The following FNIP1 variants were observed in gnomAD, a reference collection of about 807,000 sequenced individuals.
FNIP1 encodes the protein folliculin interacting protein 1.
In FNIP1, 40 loss-of-function variants were observed where a neutral mutation model predicts 124.5. The ratio of observed to expected loss-of-function variants is 0.32; its 90% CI spans 0.25 to 0.42. The LOEUF is 0.42. Among genes scored for constraint, FNIP1 ranks in the 10% least tolerant of loss-of-function variants. The pLI is 1.00. For synonymous variants in FNIP1, 472 were observed against 470.6 expected, an observed-to-expected ratio of 1.00 and a Z score of -0.04; for missense variants, 1,176 against 1,403.7, an observed-to-expected ratio of 0.84 and a Z score of 2.59.
intron 11 of FNIP1, among the ~76,000 whole-genome samples, chr5:131,687,402 G>A (rs1768318594): frequency 6.6e-6 from 1 of 152,026 alleles, no homozygotes; most frequent in Non-Finnish European, 1.5e-5. Context: ...TACTATACCT[G>A]GCCCAATTTC....
intron 1 of FNIP1, among the ~76,000 whole-genome samples, chr5:131,779,679 TTC>T (rs1771932099): frequency 6.8e-6 from 1 of 146,110 alleles, no homozygotes; most frequent in Admixed American, 6.8e-5. Context: ...CAGAGTGAGA[TTC>T]TGTTTCAAAA....
chr5:131,771,205 G>T (rs986202750), intron 1 of FNIP1, among the ~76,000 whole-genome samples: 3 of 152,114 alleles, frequency 2.0e-5, no homozygotes, highest in Non-Finnish European at 4.4e-5. Flanking sequence ...AAGAAAATTG[G>T]AGAAAGGGAA....
chr5:131,671,895 T>C lies in FNIP1; in HGVS notation c.2549A>G (p.Asp850Gly). 1 of 1,614,194 alleles carries C rather than the reference T, an allele frequency of 6.2e-7. No homozygotes were observed. Among genetic ancestry groups the C allele is most frequent in the East Asian group, 2.2e-5 (1 of 44,880 alleles). ...TGTACTTGTTTTAAATGGAACATCA[T>C]CAATAGTCCTGGTTTCGATTGAATC... The part of the protein sequence containing the change: ...NDDSIETRTI[D>G]DVPFKTSTDS... Residue 850 changes from aspartate to glycine, a missense_variant, in exon 14 of 18, where the codon GAT becomes GGT. By Grantham distance (94) the Asp-to-Gly change is moderately conservative (BLOSUM62 -1). Around this residue, in one of 2 missense-constraint regions of FNIP1, gnomAD observed 1,109 missense variants for 1,288.5 expected, o/e 0.86. Coordinates refer to ENST00000510461, the MANE Select transcript of FNIP1 (RefSeq NM_133372.3).
rs191081547 is a variant in FNIP1, at chr5:131,644,953, G to A, written c.3423-190C>T. Among the ~76,000 whole-genome samples the A allele has an allele frequency of 1.6e-4, 25 of 152,292 alleles. 1 individual carries two copies. Among genetic ancestry groups the A allele is most frequent in the Middle Eastern group, 6.8e-3 (2 of 294 alleles). The stretch of plus-strand genomic sequence containing the variant: ...AGATACGAGTAACAACATCATAAAC[G>A]TAGAAAAGTGTCTCAATGACATGCT... On this transcript the variant is annotated intron_variant, in intron 17 of 17. Transcript: ENST00000510461.
At chr5:131,785,879 A>C (rs181227179) in intron 1 of FNIP1, among the ~76,000 whole-genome samples, 21 of 152,260 alleles carry the variant, frequency 1.4e-4, no homozygotes, top group Admixed American at 1.3e-3. Flanking sequence ...TTATTCACAA[A>C]TAATGTCTAT....
chr5:131,672,658 G>A lies in FNIP1; in HGVS notation c.1786C>T (p.Leu596Phe), dbSNP rs944893651. 1.2e-6 allele frequency: 2 copies of A among 1,614,050 alleles called. No individual in the cohort carries two copies. The highest frequency in any genetic ancestry group is 1.7e-6 in the Non-Finnish European group (2 of 1,180,026). The stretch of plus-strand genomic sequence containing the variant: ...CTAATTTCTTCTGACTCTTTAAAGA[G>A]CAAACTGCTTTTGTTTCTATGCATT... The part of the protein sequence containing the change: ...VTMHRNKSSL[L>F]FKESEEIRTP... Residue 596 changes from leucine to phenylalanine, a missense_variant, in exon 14 of 18, where the codon CTC (leucine) becomes TTC (phenylalanine). Leu to Phe is a conservative substitution (Grantham distance 22). Transcript: ENST00000510461.
rs1318903154 is a variant in FNIP1, at chr5:131,672,242, T to G, written c.2202A>C (p.Pro734=). The G allele has an allele frequency of 1.2e-6, 2 of 1,614,142 alleles. No individual in the cohort carries two copies. The highest frequency in any genetic ancestry group is 1.3e-5 in the African/African-American group (1 of 75,038). The change falls in exon 14 of 18, where the codon CCA becomes CCC. Residue 734 remains proline (P), a synonymous_variant. Coordinates refer to ENST00000510461, the MANE Select transcript of FNIP1 (RefSeq NM_133372.3). The part of the protein sequence containing the change: ...STGMVVEKKP[P]DKIVPASFSC... ...AAAATGAAGCAGGCACAATCTTATCTGGAGGTTTTTTTTCCACAACCATTC... is the reference window on the plus strand; with the variant it reads ...AAAATGAAGCAGGCACAATCTTATCGGGAGGTTTTTTTTCCACAACCATTC...
intron 15 of FNIP1, among the ~76,000 whole-genome samples, chr5:131,662,092 C>T (rs1051069959): frequency 6.6e-6 from 1 of 152,172 alleles, no homozygotes; most frequent in African/African-American, 2.4e-5. Context: ...ATGTCAGGCA[C>T]CCAATCCGAA....
intron 2 of FNIP1, among the ~76,000 whole-genome samples, chr5:131,735,010 G>A (rs1354008477): frequency 4.6e-5 from 7 of 152,244 alleles, no homozygotes; most frequent in South Asian, 2.1e-4. Context: ...ACATGCACAC[G>A]TATGTTTATT....
At chr5:131,758,993 A>G (rs982037790) in intron 1 of FNIP1, among the ~76,000 whole-genome samples, 19 of 152,122 alleles carry the variant, frequency 1.2e-4, no homozygotes, top group African/African-American at 4.3e-4. Context: ...TGGAGGGGGA[A>G]TGGTGCTTAA....
At chr5:131,658,820 C>T (rs556492530) in intron 15 of FNIP1, among the ~76,000 whole-genome samples, 6 of 143,132 alleles carry the variant, frequency 4.2e-5, no homozygotes, top group Non-Finnish European at 6.0e-5. Context: ...TCAAAGTCCT[C>T]GGCCACATTG....
intron 1 of FNIP1, among the ~76,000 whole-genome samples, chr5:131,784,008 C>CAAAA (rs34867527): frequency 7.1e-6 from 1 of 140,082 alleles, no homozygotes. Context: ...CTGCCCCCAA[C>CAAAA]AAAAAAAAAA....
At chr5:131,688,934 C>T (rs1464597864) in intron 11 of FNIP1, among the ~76,000 whole-genome samples, 1 of 151,378 alleles carries the variant, frequency 6.6e-6, no homozygotes, top group African/African-American at 2.4e-5. Flanking sequence ...TGAATAATAG[C>T]TTCGAATTAA....
At chr5:131,723,781 A>G (rs1343409200) in intron 3 of FNIP1, among the ~76,000 whole-genome samples, 1 of 152,288 alleles carries the variant, frequency 6.6e-6, no homozygotes, top group African/African-American at 2.4e-5. Flanking sequence ...ACATAGGTAT[A>G]AAAGTGCCAT....
chr5:131,761,002 T>C (rs1771213029), intron 1 of FNIP1, among the ~76,000 whole-genome samples: 1 of 152,164 alleles, frequency 6.6e-6, no homozygotes, highest in Non-Finnish European at 1.5e-5. Context: ...TGCCAATAAC[T>C]GGCCACCATC....
intron 17 of FNIP1, among the ~76,000 whole-genome samples, chr5:131,645,307 C>T (rs1261148455): frequency 1.3e-4 from 11 of 86,146 alleles, no homozygotes; most frequent in Middle Eastern, 5.7e-3. Flanking sequence ...AAGACCCTGT[C>T]TCAAAAAAAA....
chr5:131,699,001 G>C lies in FNIP1; in HGVS notation c.1118C>G (p.Ala373Gly). ...AGCTGATCTCCGGCTCATTTTCATA[G>C]CCTTGAAAACAATCATTGAGATAGT... ...MNKLKSAIEQ[A>G]MKMSRRSADA... Residue 373 changes from alanine (A) to glycine (G), a missense_variant and splice_region_variant, in exon 11 of 18, where the codon GCT becomes GGT. Physicochemically the swap from Ala to Gly is moderately conservative, Grantham distance 60. Transcript: ENST00000510461. The C allele has an allele frequency of 6.2e-7, 1 of 1,605,104 alleles. No homozygotes were observed. Among genetic ancestry groups the C allele is most frequent in the East Asian group, 2.2e-5 (1 of 44,598 alleles).
chr5:131,777,335 T>G (rs1489004448), intron 1 of FNIP1, among the ~76,000 whole-genome samples: 1 of 151,930 alleles, frequency 6.6e-6, no homozygotes, highest in Non-Finnish European at 1.5e-5. Flanking sequence ...TGATGACCAG[T>G]GACAATGAAG....
chr5:131,697,775 G>C (rs1768751270), intron 11 of FNIP1, among the ~76,000 whole-genome samples: 2 of 151,580 alleles, frequency 1.3e-5, no homozygotes, highest in African/African-American at 4.9e-5. Context: ...AGAACAGCCT[G>C]GCCAACATGG....
Sources: allele counts gnomAD v4.1 joint callset (sites outside exome capture counted in the v4.1 genomes callset), GRCh38; gene constraint gnomAD v4.1.1; regional missense constraint gnomAD v4.1.1; transcripts MANE v1.5; gene names NCBI Gene and HGNC (gene_info 2026-07-23, HGNC 2026-07-21).